The following SLC2A5 variants were observed in gnomAD, a reference collection of about 807,000 sequenced individuals.
SLC2A5 encodes solute carrier family 2, facilitated glucose transporter member 5.
Under a neutral mutation model 50.3 loss-of-function variants are expected in SLC2A5, and 56 were observed. The observed-to-expected ratio is 1.11, with a 90% CI of 0.90 to 1.39. The LOEUF is 1.39. Ranked by LOEUF, SLC2A5 falls within the 40% of genes most tolerant of loss-of-function variation. The pLI, the probability that SLC2A5 is intolerant of heterozygous loss-of-function variation, is 0.00. For missense variants in SLC2A5, 566 were observed against 650.1 expected, an observed-to-expected ratio of 0.87 and a Z score of 1.41; for synonymous variants, 269 against 281.9, an observed-to-expected ratio of 0.95 and a Z score of 0.46.
intron 1 of SLC2A5, among the ~76,000 whole-genome samples, chr1:9,065,669 A>G (rs1298386046): frequency 6.6e-6 from 1 of 152,124 alleles, no homozygotes; most frequent in East Asian, 1.9e-4. Context: ...GGCCTTGGGC[A>G]ACTCCCTGAG....
intron 2 of SLC2A5, among the ~76,000 whole-genome samples, chr1:9,080,578 A>G (rs1238044667): frequency 1.3e-5 from 2 of 152,202 alleles, no homozygotes; most frequent in East Asian, 1.9e-4. Context: ...CATTTCCCTA[A>G]TGATGAGTGA....
intron 3 of SLC2A5, among the ~76,000 whole-genome samples, chr1:9,053,377 A>T (rs1487983414): frequency 1.2e-5 from 1 of 82,974 alleles, no homozygotes; most frequent in Non-Finnish European, 2.1e-5. Flanking sequence ...TTTATATATT[A>T]TATATATTTA....
intron 11 of SLC2A5, 54 bp from the exon 12 acceptor site, chr1:9,037,843 G>T: frequency 6.2e-7 from 1 of 1,613,736 alleles, no homozygotes; most frequent in African/African-American, 1.3e-5. Flanking sequence ...CCAGGGGCTC[G>T]CACTGTACTG....
At chr1:9,041,395 C>G (rs1019909551) in intron 5 of SLC2A5, 8 of 1,042,716 alleles carry the variant, frequency 7.7e-6, no homozygotes, top group Non-Finnish European at 9.9e-6. Context: ...TCACTGAGTC[C>G]CAGGCAGCAG....
chr1:9,064,598 G>A (rs1642033702), intron 1 of SLC2A5, among the ~76,000 whole-genome samples: 1 of 152,096 alleles, frequency 6.6e-6, no homozygotes, highest in Non-Finnish European at 1.5e-5. Context: ...TTAAATGACC[G>A]GGCCAGCAAA....
chr1:9,073,513 AGGAGCT>A (rs1045214801), upstream of SLC2A5, among the ~76,000 whole-genome samples: 30 of 152,264 alleles, frequency 2.0e-4, 1 homozygote, highest in Admixed American at 9.8e-4. Flanking sequence ...CCAAGCTAGG[AGGAGCT>A]GGGGCCCCTT....
upstream of SLC2A5, among the ~76,000 whole-genome samples, chr1:9,091,916 A>G (rs1340103018): frequency 6.6e-6 from 1 of 152,212 alleles, no homozygotes; most frequent in Non-Finnish European, 1.5e-5. Flanking sequence ...TAAGAGCACT[A>G]GCTCTAGCAA....
At chr1:9,082,737 T>C in intron 2 of SLC2A5, 1 of 375,278 alleles carries the variant, frequency 2.7e-6, no homozygotes, top group South Asian at 2.1e-5. Flanking sequence ...ACCTGCCCAG[T>C]TGTGGGTGCA....
chr1:9,041,248 G>T, intron 5 of SLC2A5: 3 of 398,654 alleles, frequency 7.5e-6, no homozygotes, highest in Non-Finnish European at 1.3e-5. Flanking sequence ...AGGTGTCTGT[G>T]CACCTGCCGC....
intron 2 of SLC2A5, among the ~76,000 whole-genome samples, chr1:9,078,318 C>T (rs138208808): frequency 1.3e-5 from 2 of 152,154 alleles, no homozygotes; most frequent in East Asian, 3.9e-4. Flanking sequence ...GTTTTTGTGA[C>T]CTTGTGCTGA....
upstream of SLC2A5, among the ~76,000 whole-genome samples, chr1:9,092,358 C>T (rs148608314): frequency 6.1e-3 from 925 of 152,282 alleles, 5 homozygotes; most frequent in African/African-American, 0.021. Flanking sequence ...AACTCTTCTA[C>T]GGGACATTCA....
chr1:9,053,173 TTATATATTTATATATTA>T (rs1354761794), intron 3 of SLC2A5, among the ~76,000 whole-genome samples: 5 of 92,322 alleles, frequency 5.4e-5, no homozygotes, highest in African/African-American at 2.3e-4. Flanking sequence ...TTTATATATT[TTATATATTTATATATTA>T]TATATTTATA....
intron 1 of SLC2A5, among the ~76,000 whole-genome samples, chr1:9,065,801 C>T (rs1642065117): frequency 6.6e-6 from 1 of 151,986 alleles, no homozygotes. Flanking sequence ...AGTTTGAGAC[C>T]AGCCTGGGCA....
chr1:9,079,296 A>T (rs1190507037), intron 2 of SLC2A5, among the ~76,000 whole-genome samples: 1 of 151,958 alleles, frequency 6.6e-6, no homozygotes, highest in Non-Finnish European at 1.5e-5. Context: ...CAAGGTGCCT[A>T]TGTGTTTTCT....
chr1:9,063,131 A>G (rs1232446513), intron 1 of SLC2A5, among the ~76,000 whole-genome samples: 3 of 152,224 alleles, frequency 2.0e-5, no homozygotes, highest in East Asian at 1.9e-4. Context: ...AGAGAGTTCA[A>G]CTTTTTCAGA....
In SLC2A5 at chr1:9,037,468, C is replaced by T; in HGVS notation, c.*118G>A. 1.2e-6 allele frequency: 1 copy of T among 841,282 alleles called. No individual in the cohort carries two copies. Among genetic ancestry groups the T allele is most frequent in the Admixed American group, 2.0e-5 (1 of 50,842 alleles). 52.1% of individuals were successfully genotyped at this position (841,282 alleles called of 1,614,324 possible). On this transcript the variant is annotated 3_prime_UTR_variant, in exon 12 of 12. Coordinates refer to ENST00000377424, the MANE Select transcript of SLC2A5 (RefSeq NM_003039.3). ...GGGGTGGGGAGGCTGGAGATGAGGA[C>T]TGCATTCCACATCAGAGTTGTTTTA...
rs1180157846 is a variant in SLC2A5 at position 9,053,479 on chromosome 1, TA to T, written c.293+3968del. 1.2e-3 allele frequency among the ~76,000 whole-genome samples: 87 copies of T among 72,362 alleles called. 1 individual carries two copies. Among genetic ancestry groups the T allele is most frequent in the Non-Finnish European group, 1.5e-3 (60 of 41,282 alleles). The allele number at this position is 72,362 out of a possible 152,430, so 47.5% of individuals were successfully genotyped here. On this transcript the variant is annotated intron_variant, in intron 3 of 11. Coordinates refer to ENST00000377424, the MANE Select transcript of SLC2A5 (RefSeq NM_003039.3). ...TATATATATTATATATATTTATATA[TA>T]TTATATATTTATATATAATATATAT...
At chr1:9,043,628 C>T (rs1641361608) in intron 4 of SLC2A5, among the ~76,000 whole-genome samples, 2 of 151,838 alleles carry the variant, frequency 1.3e-5, no homozygotes, top group South Asian at 2.1e-4. Flanking sequence ...GTTACCTGTA[C>T]GTTGGTGGAA....
chr1:9,066,119 T>G (rs985679318), intron 1 of SLC2A5, among the ~76,000 whole-genome samples: 16 of 152,192 alleles, frequency 1.1e-4, no homozygotes, highest in Admixed American at 1.0e-3. Flanking sequence ...GGGTGTCAGT[T>G]GCTCTAGGAT....
Sources: gnomAD v4.1 joint callset for allele counts (sites outside exome capture counted in the v4.1 genomes callset) on GRCh38, gnomAD v4.1.1 for gene constraint, MANE v1.5 for transcripts, NCBI Gene and HGNC (gene_info 2026-07-23, HGNC 2026-07-21) for gene names.